The following CDH13 variants were observed in gnomAD, a reference collection of about 807,000 sequenced individuals.
CDH13 encodes cadherin 13.
CDH13 carries 24 observed loss-of-function variants against 63.8 expected under a neutral mutation model. The observed-to-expected ratio is 0.38, with a 90% CI of 0.27 to 0.53. The LOEUF (loss-of-function observed/expected upper bound fraction) is 0.53, where lower values mean the gene tolerates loss of function less well. CDH13 is among the 20% of genes least tolerant of loss of function. The pLI is 0.85. For missense variants in CDH13, 1,049 were observed against 903.1 expected (o/e 1.16, Z -2.07); for synonymous variants, 503 against 355.3 (o/e 1.42, Z -4.67).
intron 5 of CDH13, among the ~76,000 whole-genome samples, chr16:83,328,900 G>A (rs1472532072): frequency 1.3e-5 from 2 of 152,210 alleles, no homozygotes; most frequent in Non-Finnish European, 2.9e-5. Context: ...AGGGATAAAA[G>A]GAAGGTGGTT....
At chr16:82,920,604 A>T (rs2042124191) in intron 2 of CDH13, among the ~76,000 whole-genome samples, 1 of 152,200 alleles carries the variant, frequency 6.6e-6, no homozygotes, top group South Asian at 2.1e-4. Context: ...CTGTCTGGTG[A>T]GGCTGTCTCC....
chr16:83,771,042 C>G (rs1914725233), intron 11 of CDH13, among the ~76,000 whole-genome samples: 1 of 152,136 alleles, frequency 6.6e-6, no homozygotes, highest in Non-Finnish European at 1.5e-5. Context: ...GTCTAGTTTT[C>G]TTTTCTAGAA....
At chr16:82,667,308 G>C (rs1912703347) in intron 1 of CDH13, among the ~76,000 whole-genome samples, 1 of 152,190 alleles carries the variant, frequency 6.6e-6, no homozygotes, top group African/African-American at 2.4e-5. Flanking sequence ...AGGGGATTGA[G>C]GCAGGTAAGG....
chr16:82,739,586 T>A (rs1231690452), intron 1 of CDH13, among the ~76,000 whole-genome samples: 1 of 152,212 alleles, frequency 6.6e-6, no homozygotes, highest in Non-Finnish European at 1.5e-5. Flanking sequence ...TTAAAAAGTG[T>A]TAAGGGAAGA....
chr16:83,388,351 G>T (rs1356604979), intron 6 of CDH13, among the ~76,000 whole-genome samples: 1 of 151,972 alleles, frequency 6.6e-6, no homozygotes, highest in African/African-American at 2.4e-5. Context: ...TACTTGGGAG[G>T]CTGAGGTGGG....
chr16:83,728,663 C>G (rs931884532), intron 10 of CDH13, among the ~76,000 whole-genome samples: 1 of 152,176 alleles, frequency 6.6e-6, no homozygotes, highest in African/African-American at 2.4e-5. Flanking sequence ...GGAAGGAAAG[C>G]ACACAATTAC....
intron 4 of CDH13, among the ~76,000 whole-genome samples, chr16:83,147,196 A>T (rs1382928404): frequency 6.6e-6 from 1 of 152,212 alleles, no homozygotes; most frequent in African/African-American, 2.4e-5. Context: ...GAGGGCCGTG[A>T]TCAGACATCA....
rs143560289 is a variant in CDH13 at position 82,673,062 on chromosome 16, G to A, written c.45+45925G>A. Among the ~76,000 whole-genome samples the A allele has an allele frequency of 3.2e-3, 433 of 134,734 alleles. 5 individuals are homozygous for A. The highest frequency in any genetic ancestry group is 0.012 in the African/African-American group (407 of 35,018). 88.4% of individuals were successfully genotyped at this position (134,734 alleles called of 152,430 possible). On this transcript the variant is annotated intron_variant, in intron 1 of 13. Coordinates refer to ENST00000567109, the MANE Select transcript of CDH13 (RefSeq NM_001257.5). ...TTCCTGTGTTGCCCAGGCTGGTCTCGAACTCCTGGGCTCAAGCAATCTTTC... is the reference window on the plus strand; with the variant it reads ...TTCCTGTGTTGCCCAGGCTGGTCTCAAACTCCTGGGCTCAAGCAATCTTTC...
At chr16:83,533,764 G>C (rs2075132199) in intron 7 of CDH13, among the ~76,000 whole-genome samples, 1 of 151,748 alleles carries the variant, frequency 6.6e-6, no homozygotes, top group Non-Finnish European at 1.5e-5. Flanking sequence ...GGGATTACAG[G>C]TGTGCACCAC....
intron 7 of CDH13, among the ~76,000 whole-genome samples, chr16:83,502,573 T>C (rs1248958604): frequency 2.0e-5 from 3 of 152,190 alleles, no homozygotes; most frequent in African/African-American, 7.2e-5. Context: ...ATGTAACCTT[T>C]TTTATATGGT....
chr16:82,849,445 T>G (rs915766863), intron 1 of CDH13, among the ~76,000 whole-genome samples: 1 of 152,106 alleles, frequency 6.6e-6, no homozygotes, highest in African/African-American at 2.4e-5. Flanking sequence ...GAGGTTTCAG[T>G]GAGCTGAGAT....
chr16:83,505,412 C>G (rs892554611), intron 7 of CDH13, among the ~76,000 whole-genome samples: 20 of 152,268 alleles, frequency 1.3e-4, no homozygotes, highest in African/African-American at 4.8e-4. Context: ...ACCCTCCCAG[C>G]CAGCCTGATA....
intron 2 of CDH13, among the ~76,000 whole-genome samples, chr16:83,019,495 CT>C (rs769273795): frequency 0.13 from 16,672 of 132,148 alleles, 807 homozygotes; most frequent in East Asian, 0.21. Context: ...TTAACATTTT[CT>C]TTTTTTTTTT....
chr16:83,558,247 G>A (rs1033386812), intron 7 of CDH13, among the ~76,000 whole-genome samples: 1 of 152,162 alleles, frequency 6.6e-6, no homozygotes, highest in African/African-American at 2.4e-5. Context: ...TGGGATGTTC[G>A]CAGGTTGTAG....
intron 1 of CDH13, among the ~76,000 whole-genome samples, chr16:82,833,875 A>G (rs1173099897): frequency 1.3e-5 from 2 of 152,176 alleles, no homozygotes; most frequent in East Asian, 3.9e-4. Flanking sequence ...AAAGATCGAC[A>G]TGTGAGCCCA....
intron 3 of CDH13, among the ~76,000 whole-genome samples, chr16:83,084,623 T>A (rs2033461817): frequency 6.6e-6 from 1 of 152,344 alleles, no homozygotes; most frequent in South Asian, 2.1e-4. Flanking sequence ...GTGCAGTGGC[T>A]CATGCCTGTA....
At chr16:83,137,957 G>T (rs564935338) in intron 4 of CDH13, among the ~76,000 whole-genome samples, 1 of 151,920 alleles carries the variant, frequency 6.6e-6, no homozygotes, top group Admixed American at 6.5e-5. Context: ...TCCCAAATAG[G>T]GTCCTGGGGG....
chr16:82,700,951 A>ACCACCCCCCCCCCCCCCCCCCC (rs1567641690), intron 1 of CDH13, among the ~76,000 whole-genome samples: 1 of 13,806 alleles, frequency 7.2e-5, no homozygotes, highest in Non-Finnish European at 2.1e-4. Flanking sequence ...AAGTGCTGGA[A>ACCACCCCCCCCCCCCCCCCCCC]CCCGCCCCCC....
At chr16:82,703,620 T>C (rs2150995099) in intron 1 of CDH13, among the ~76,000 whole-genome samples, 1 of 152,274 alleles carries the variant, frequency 6.6e-6, no homozygotes, top group Non-Finnish European at 1.5e-5. Flanking sequence ...CTAAATAAGC[T>C]ACTTACATTC....
Sources: allele counts gnomAD v4.1 joint callset (sites outside exome capture counted in the v4.1 genomes callset), GRCh38; gene constraint gnomAD v4.1.1; transcripts MANE v1.5; gene names NCBI Gene and HGNC (gene_info 2026-07-23, HGNC 2026-07-21).